Variants in HECW2 observed in about 807,000 individuals in gnomAD.
HECW2 encodes the protein E3 ubiquitin-protein ligase HECW2.
HECW2 carries 61 observed loss-of-function variants against 175.2 expected under a neutral mutation model. The ratio of observed to expected loss-of-function variants is 0.35; its 90% CI spans 0.28 to 0.43. The LOEUF is 0.43. Among genes scored for constraint, HECW2 ranks in the 20% least tolerant of loss-of-function variants. The pLI, the probability that HECW2 is intolerant of heterozygous loss-of-function variation, is 1.00. For synonymous variants in HECW2, 671 were observed against 731.0 expected, an observed-to-expected ratio of 0.92 and a Z score of 1.32; for missense variants, 1,524 against 2,000.5, an observed-to-expected ratio of 0.76 and a Z score of 4.54.
chr2:196,438,619 A>T (rs1164119031), intron 1 of HECW2, among the ~76,000 whole-genome samples: 1 of 152,194 alleles, frequency 6.6e-6, no homozygotes, highest in Non-Finnish European at 1.5e-5. Flanking sequence ...TCAGAAGAAG[A>T]TGTCATTGAA....
chr2:196,468,806 TATAC>T (rs1432513193), intron 1 of HECW2, among the ~76,000 whole-genome samples: 1 of 152,180 alleles, frequency 6.6e-6, no homozygotes, highest in Non-Finnish European at 1.5e-5. Flanking sequence ...GGAAGGATGA[TATAC>T]ATATATGGGT....
intron 1 of HECW2, among the ~76,000 whole-genome samples, chr2:196,513,619 C>T (rs1191554203): frequency 1.3e-5 from 2 of 152,202 alleles, no homozygotes; most frequent in African/African-American, 4.8e-5. Flanking sequence ...TCATCAACAA[C>T]TAGAAGACAA....
chr2:196,202,076 T>C (rs1401957178), intron 28 of HECW2, among the ~76,000 whole-genome samples: 2 of 152,172 alleles, frequency 1.3e-5, no homozygotes, highest in Non-Finnish European at 2.9e-5. Flanking sequence ...TTTCCTGTTA[T>C]TTGCATCTGA....
chr2:196,590,892 T>C (rs1691166903), intron 1 of HECW2, among the ~76,000 whole-genome samples: 1 of 152,238 alleles, frequency 6.6e-6, no homozygotes, highest in Non-Finnish European at 1.5e-5. Context: ...GTGCTTACTT[T>C]TATTTTTTGT....
chr2:196,327,134 T>C (rs1692185135), intron 5 of HECW2, among the ~76,000 whole-genome samples: 2 of 152,204 alleles, frequency 1.3e-5, no homozygotes, highest in African/African-American at 2.4e-5. Flanking sequence ...CAGAAATGAA[T>C]GCCACAAGGT....
At chr2:196,564,209 C>A (rs982161157) in intron 1 of HECW2, among the ~76,000 whole-genome samples, 3 of 152,124 alleles carry the variant, frequency 2.0e-5, no homozygotes, top group African/African-American at 7.2e-5. Context: ...CTGGTCTACA[C>A]TCTTCAAATT....
intron 1 of HECW2, among the ~76,000 whole-genome samples, chr2:196,543,812 C>T (rs1689309851): frequency 6.6e-6 from 1 of 152,204 alleles, no homozygotes; most frequent in Non-Finnish European, 1.5e-5. Flanking sequence ...CAGGATTTCA[C>T]CATGCCAGGC....
chr2:196,317,204 T>A, intron 10 of HECW2, 70 bp downstream of exon 10: 1 of 1,180,332 alleles, frequency 8.5e-7, no homozygotes, highest in Non-Finnish European at 1.2e-6. Context: ...TTGAGACTCA[T>A]GGGAATGGGT....
At chr2:196,478,553 T>C (rs879379436) in intron 1 of HECW2, among the ~76,000 whole-genome samples, 5 of 152,040 alleles carry the variant, frequency 3.3e-5, no homozygotes, top group Admixed American at 6.6e-5. Context: ...GGAATAATTA[T>C]TATTATCACT....
At chr2:196,479,462 T>C (rs1031976819) in intron 1 of HECW2, among the ~76,000 whole-genome samples, 7 of 152,190 alleles carry the variant, frequency 4.6e-5, no homozygotes, top group Non-Finnish European at 1.0e-4. Context: ...GTGTCCAGTA[T>C]TGCAGAACAG....
In HECW2 at chr2:196,433,170, TC is replaced by T; in HGVS notation, c.253del (p.Glu85ArgfsTer13). On this transcript the variant is annotated frameshift_variant, in exon 2 of 29. Transcript: ENST00000644978. LOFTEE classifies it high-confidence loss of function. ...TCCAATCCAATCACTGGGGTCCACC[TC>T]CTCTTTAATGTCCCAGAAGATAATG... ...NLIIFWDIKEEVDPSDWIGLY... is the reference protein window; with the variant it reads ...NLIIFWDIKEXVDPSDWIGLY... The T allele has an allele frequency of 6.2e-7, 1 of 1,614,028 alleles. No homozygotes were observed. Among genetic ancestry groups the T allele is most frequent in the Admixed American group, 1.7e-5 (1 of 60,024 alleles).
intron 1 of HECW2, among the ~76,000 whole-genome samples, chr2:196,498,346 CT>C (rs1401701017): frequency 3.3e-5 from 5 of 152,130 alleles, no homozygotes; most frequent in African/African-American, 1.2e-4. Flanking sequence ...TCTAACCATT[CT>C]TATTAATTAG....
In HECW2 at chr2:196,211,406, G is replaced by A. The variant is rs146099016; in HGVS notation, c.4607+4459C>T. Among the ~76,000 whole-genome samples the A allele has an allele frequency of 1.4e-3, 219 of 152,196 alleles. 2 individuals carry two copies. The highest frequency in any genetic ancestry group is 5.0e-3 in the African/African-American group (208 of 41,514). On this transcript the variant is annotated intron_variant, in intron 28 of 28. Coordinates refer to ENST00000644978, the MANE Select transcript of HECW2 (RefSeq NM_001348768.2). ...AATGCAAAATACAGAGCTAACCACC[G>A]ACCGCGAAGCAGAGGAAGTGCAGTC...
intron 2 of HECW2, among the ~76,000 whole-genome samples, chr2:196,410,874 A>G (rs964513503): frequency 6.6e-6 from 1 of 152,194 alleles, no homozygotes; most frequent in Admixed American, 6.5e-5. Context: ...TAGCACATCC[A>G]CAAACGTAAC....
Position 196,306,621 on chromosome 2 carries a change from G to T in HECW2, c.2690-9C>A, listed in dbSNP as rs1317317268. On this transcript the variant is annotated splice_polypyrimidine_tract_variant and intron_variant, in intron 12 of 28. Coordinates refer to ENST00000644978, the MANE Select transcript of HECW2 (RefSeq NM_001348768.2). ...GTTCTCCCGTCGGAAATCTAGATGGGGCAGACCACAGAGGCGGTCAGGGAA... is the reference window on the plus strand; with the variant it reads ...GTTCTCCCGTCGGAAATCTAGATGGTGCAGACCACAGAGGCGGTCAGGGAA... 1 of 1,608,136 alleles carries T rather than the reference G, an allele frequency of 6.2e-7. No homozygotes were observed. The highest frequency in any genetic ancestry group is 8.5e-7 in the Non-Finnish European group (1 of 1,177,388).
At chr2:196,526,368 T>C (rs1162946221) in intron 1 of HECW2, among the ~76,000 whole-genome samples, 1 of 144,010 alleles carries the variant, frequency 6.9e-6, no homozygotes, top group Non-Finnish European at 1.5e-5. Flanking sequence ...TTATTCTAAT[T>C]ATACATTCTT....
chr2:196,536,975 G>A (rs534247839), intron 1 of HECW2, among the ~76,000 whole-genome samples: 144 of 152,198 alleles, frequency 9.5e-4, no homozygotes, highest in East Asian at 4.1e-3. Flanking sequence ...TCAAACATAC[G>A]AGGCCAGGAA....
At chr2:196,420,174 C>T (rs1695370621) in intron 2 of HECW2, among the ~76,000 whole-genome samples, 2 of 152,208 alleles carry the variant, frequency 1.3e-5, no homozygotes, top group Non-Finnish European at 2.9e-5. Flanking sequence ...AACGTCACCA[C>T]TAAATCTGAG....
At chr2:196,546,820 C>CAAA (rs35116760) in intron 1 of HECW2, among the ~76,000 whole-genome samples, 3 of 106,482 alleles carry the variant, frequency 2.8e-5, no homozygotes, top group Admixed American at 1.9e-4. Flanking sequence ...AGAAGGACAG[C>CAAA]AAAAAAAAAA....
Sources: allele counts gnomAD v4.1 joint callset (sites outside exome capture counted in the v4.1 genomes callset), GRCh38; gene constraint gnomAD v4.1.1; transcripts MANE v1.5; gene names NCBI Gene and HGNC (gene_info 2026-07-23, HGNC 2026-07-21).